Variants in NCAPD3 observed in about 807,000 individuals in gnomAD.
NCAPD3 encodes non-SMC condensin II complex subunit D3.
In NCAPD3, 105 loss-of-function variants were observed where a neutral mutation model predicts 182.9. The ratio of observed to expected loss-of-function variants is 0.57; its 90% CI spans 0.49 to 0.68. NCAPD3 has a LOEUF of 0.68. Ranked by LOEUF, NCAPD3 falls within the 30% of genes least tolerant of loss-of-function variation. The probability of loss-of-function intolerance (pLI) is 0.00; values close to 1 mark genes in which losing one functional copy is unlikely to be tolerated. For synonymous variants in NCAPD3, 815 were observed against 679.9 expected, an observed-to-expected ratio of 1.20 and a Z score of -3.09; for missense variants, 1,944 against 1,837.0, an observed-to-expected ratio of 1.06 and a Z score of -1.07.
At chr11:134,185,025 G>C (rs765352093) in intron 17 of NCAPD3, 25 bp from the exon 18 acceptor site, 60 of 1,537,684 alleles carry the variant, frequency 3.9e-5, no homozygotes, top group Non-Finnish European at 5.2e-5. Flanking sequence ...GGAGGAATAT[G>C]AAGGGAGAAG....
chr11:134,183,119 G>T (rs1944331306), intron 19 of NCAPD3: 1 of 456,182 alleles, frequency 2.2e-6, no homozygotes, highest in African/African-American at 2.0e-5. Context: ...GGCCCTGACT[G>T]CGCGCTGTAC....
intron 18 of NCAPD3, 42 bp downstream of exon 18, chr11:134,184,861 C>T (rs1403109406): frequency 6.9e-7 from 1 of 1,451,078 alleles, no homozygotes; most frequent in African/African-American, 1.4e-5. Context: ...CTGAAATGAA[C>T]AGCAATGCAT....
At chr11:134,153,230 C>T (rs1230510170) in intron 33 of NCAPD3, 30 bp from the exon 34 acceptor site, 5 of 1,613,878 alleles carry the variant, frequency 3.1e-6, no homozygotes, top group Non-Finnish European at 3.4e-6. Flanking sequence ...ACACATTCAG[C>T]TTTCCCAGAA....
In NCAPD3 at chr11:134,204,537, A is replaced by G. The variant is rs1457327506; in HGVS notation, c.1089+362T>C. Among the ~76,000 whole-genome samples the G allele has an allele frequency of 1.3e-5, 2 of 152,196 alleles. No homozygotes were observed. Among genetic ancestry groups the G allele is most frequent in the Non-Finnish European group, 2.9e-5 (2 of 68,044 alleles). Reference sequence around the variant, plus strand: ...AATATTAAGGAATTACCGTGAAAGGATATGATGGAATTTGCTTCAAAACAC... The same window carrying G: ...AATATTAAGGAATTACCGTGAAAGGGTATGATGGAATTTGCTTCAAAACAC... On this transcript the variant is annotated intron_variant, in intron 9 of 34. Coordinates refer to ENST00000534548, the MANE Select transcript of NCAPD3 (RefSeq NM_015261.3). This position sits in a 1 kb window ranked among gnomAD's most constrained non-coding sequence, Gnocchi z 4.3.
intron 13 of NCAPD3, among the ~76,000 whole-genome samples, chr11:134,199,055 G>A (rs1233184544): frequency 2.0e-5 from 3 of 152,014 alleles, no homozygotes; most frequent in Non-Finnish European, 4.4e-5. Context: ...AATCCAAGAT[G>A]GCTTTTTTTT....
rs144831599 is a variant in NCAPD3 at position 134,194,408 on chromosome 11, G to T, written c.1689+257C>A. Among the ~76,000 whole-genome samples, 11 of 152,136 alleles carry T rather than the reference G, an allele frequency of 7.2e-5. 1 individual carries two copies. In the East Asian group the frequency reaches 2.1e-3, roughly 29 times the overall value. Reference sequence around the variant, plus strand: ...ATTAAAATCCACCCATGGTCCCTAGGTTAAGAATCCCTATTCTAAACAAAT... The same window carrying T: ...ATTAAAATCCACCCATGGTCCCTAGTTTAAGAATCCCTATTCTAAACAAAT... On this transcript the variant is annotated intron_variant, in intron 14 of 34. Coordinates refer to ENST00000534548, the MANE Select transcript of NCAPD3 (RefSeq NM_015261.3).
At position 134,168,214 on chromosome 11, in the gene NCAPD3, G is replaced by A. The variant is rs752396135; in HGVS notation, c.3374-19C>T. 1 of 1,605,256 alleles carries A rather than the reference G, an allele frequency of 6.2e-7. No individual in the cohort carries two copies. Among genetic ancestry groups the A allele is most frequent in the South Asian group, 1.1e-5 (1 of 90,872 alleles). On this transcript the variant is annotated intron_variant, in intron 26 of 34. Transcript: ENST00000534548. Reference sequence around the variant, plus strand: ...AAGCACGCTGAGAGACAGAGAGAGAGAAAAACGTGAGCTTCTGAGAAATGC... The same window carrying A: ...AAGCACGCTGAGAGACAGAGAGAGAAAAAAACGTGAGCTTCTGAGAAATGC...
At chr11:134,194,602 T>C (rs1033686888) in intron 14 of NCAPD3, 63 bp downstream of exon 14, 2 of 1,211,714 alleles carry the variant, frequency 1.7e-6, no homozygotes, top group African/African-American at 3.1e-5. Context: ...GTTTAAAAAA[T>C]ATTCCTTTGC....
chr11:134,185,275 C>T (rs1442223735), intron 17 of NCAPD3, 60 bp downstream of exon 17: 2 of 1,437,804 alleles, frequency 1.4e-6, no homozygotes, highest in African/African-American at 2.9e-5. Flanking sequence ...TTCCTTAAGT[C>T]TTGGGCTTTG....
intron 3 of NCAPD3, among the ~76,000 whole-genome samples, chr11:134,213,565 G>A (rs1565557548): frequency 1.3e-5 from 2 of 150,930 alleles, no homozygotes; most frequent in Admixed American, 6.6e-5. Flanking sequence ...TGATCCGCCC[G>A]CCTCAGCCTC....
chr11:134,198,776 T>C (rs1367895751), intron 13 of NCAPD3, among the ~76,000 whole-genome samples: 1 of 152,136 alleles, frequency 6.6e-6, no homozygotes, highest in Admixed American at 6.5e-5. Context: ...AGAAGATCAA[T>C]TATCAAAAAT....
chr11:134,212,818 T>G (rs942368184), intron 3 of NCAPD3, among the ~76,000 whole-genome samples: 3 of 151,792 alleles, frequency 2.0e-5, no homozygotes, highest in African/African-American at 7.3e-5. Context: ...TACACATACA[T>G]GCAAAAGAGT....
rs1295772232 is a variant in NCAPD3 at position 134,203,921 on chromosome 11, T to C, written c.1216-15A>G. The C allele has an allele frequency of 6.2e-7, 1 of 1,610,190 alleles. No individual in the cohort carries two copies. Among genetic ancestry groups the C allele is most frequent in the Non-Finnish European group, 8.5e-7 (1 of 1,177,266 alleles). On this transcript the variant is annotated splice_polypyrimidine_tract_variant and intron_variant, in intron 10 of 34. Transcript: ENST00000534548. ...CGGTGTGGGATCTGGTAAAGCAAGATCATAAGAATTGCCATCAGATAGGAG... is the reference window on the plus strand; with the variant it reads ...CGGTGTGGGATCTGGTAAAGCAAGACCATAAGAATTGCCATCAGATAGGAG...
intron 1 of NCAPD3, among the ~76,000 whole-genome samples, chr11:134,222,844 G>A (rs931267435): frequency 6.6e-6 from 1 of 152,224 alleles, no homozygotes; most frequent in Non-Finnish European, 1.5e-5. Context: ...TTGTTACAGT[G>A]TTTGCTTGTG....
intron 3 of NCAPD3, among the ~76,000 whole-genome samples, chr11:134,214,726 A>C (rs1030025740): frequency 1.3e-5 from 2 of 152,212 alleles, no homozygotes; most frequent in Non-Finnish European, 2.9e-5. Flanking sequence ...AGATCACTAG[A>C]AATTCTACAA....
rs537861396 is a variant in NCAPD3, at chr11:134,160,766, G to A, written c.3685-692C>T. Among the ~76,000 whole-genome samples the A allele has an allele frequency of 2.0e-5, 3 of 152,226 alleles. No individual in the cohort carries two copies. In the South Asian group the frequency reaches 6.2e-4, roughly 32 times the overall value. Reference sequence around the variant, plus strand: ...GGGAGGGAAGTCTCAACAAAGAGAAGGAATCCATGCACTTTTCCAGCTGCC... The same window carrying A: ...GGGAGGGAAGTCTCAACAAAGAGAAAGAATCCATGCACTTTTCCAGCTGCC... On this transcript the variant is annotated intron_variant, in intron 28 of 34. Transcript: ENST00000534548.
chr11:134,177,414 G>A lies in NCAPD3; in HGVS notation c.2826C>T (p.Ile942=). Residue 942 remains isoleucine (I), a synonymous_variant, in exon 23 of 35, where the codon ATC becomes ATT. Transcript: ENST00000534548. ...CCTCGAGCTCTCGCACCAGGGCTGG[G>A]ATGCTCTTCTTTGCCAGATCCTCGT... ...LQHEDLAKKS[I]PALVRELEVC... 1 of 1,614,200 alleles carries A rather than the reference G, an allele frequency of 6.2e-7. No homozygotes were observed. Among genetic ancestry groups the A allele is most frequent in the South Asian group, 1.1e-5 (1 of 91,088 alleles).
rs1943181815 is a variant in NCAPD3, at chr11:134,150,393, GCGCCAGGCGCCCC to G, written c.*2538_*2550del. On this transcript the variant is annotated 3_prime_UTR_variant, in exon 35 of 35. Transcript: ENST00000534548. ...CAGATGCCAGTCAGCTCCTGGGGTT[GCGCCAGGCGCCCC>G]CGCTCTAGCTCACTGTTGCCTCGCT... The G allele has an allele frequency of 6.6e-6, 1 of 152,366 alleles. No homozygotes were observed. Among genetic ancestry groups the G allele is most frequent in the Non-Finnish European group, 1.5e-5 (1 of 68,104 alleles). The allele number at this position is 152,366 out of a possible 1,614,324, so 9.4% of individuals were successfully genotyped here. A position where few individuals can be genotyped will look rare whatever the true frequency, so the allele number is the denominator to read the frequency against.
chr11:134,164,189 C>A (rs1410821365), intron 27 of NCAPD3, among the ~76,000 whole-genome samples: 1 of 152,140 alleles, frequency 6.6e-6, no homozygotes, highest in African/African-American at 2.4e-5. Context: ...AGCTCTGCCC[C>A]AGTCATTCAG....
Sources: gnomAD v4.1 joint callset for allele counts (sites outside exome capture counted in the v4.1 genomes callset) on GRCh38, gnomAD v4.1.1 for gene constraint, Gnocchi (gnomAD v3.1) non-coding constraint, MANE v1.5 for transcripts, NCBI Gene and HGNC (gene_info 2026-07-23, HGNC 2026-07-21) for gene names.